Variants in TF observed in about 807,000 individuals in gnomAD.
TF encodes the protein serotransferrin.
A neutral mutation model predicts 82.4 loss-of-function variants in TF; 55 were observed. That is an observed-to-expected ratio of 0.67 (90% CI 0.54 to 0.84). TF has a LOEUF of 0.84. TF is among the 40% of genes least tolerant of loss of function. The pLI, the probability that TF is intolerant of heterozygous loss-of-function variation, is 0.00. For missense variants in TF, 737 were observed against 868.4 expected (o/e 0.85, Z 1.90); for synonymous variants, 332 against 332.6 (o/e 1.00, Z 0.02).
intron 9 of TF, among the ~76,000 whole-genome samples, chr3:133,762,541 T>C (rs141077143): frequency 6.6e-6 from 1 of 152,346 alleles, no homozygotes; most frequent in African/African-American, 2.4e-5. Flanking sequence ...GCCTAATTTA[T>C]AAACTTTATC....
rs547072103 is a variant in TF, at chr3:133,748,767, A to G, written c.216+183A>G. The G allele has an allele frequency of 1.1e-4, 82 of 770,012 alleles. No homozygotes were observed. In the African/African-American group the frequency reaches 1.4e-3, roughly 13 times the overall value. The allele number at this position is 770,012 out of a possible 1,614,324, so 47.7% of individuals were successfully genotyped here. A position where few individuals can be genotyped will look rare whatever the true frequency, so the allele number is the denominator to read the frequency against. On this transcript the variant is annotated intron_variant, in intron 2 of 16. Transcript: ENST00000402696. ...TTCTTTAATGTGTCTGGAAAGCAAA[A>G]GTCAAAAAGCACATTAACTTTTGCT...
At chr3:133,720,934 G>C in the TF span, among the ~76,000 whole-genome samples, 1 of 152,022 alleles carries the variant, frequency 6.6e-6, no homozygotes, top group East Asian at 1.9e-4. Flanking sequence ...TGTGGTATCA[G>C]TTATAATGTC....
At chr3:133,770,790 ACACACTCC>A in intron 14 of TF, 1 of 605,046 alleles carries the variant, frequency 1.7e-6, no homozygotes, top group African/African-American at 1.8e-5. Flanking sequence ...CCTCCCCAAC[ACACACTCC>A]CACAGCTGCA....
upstream of TF, among the ~76,000 whole-genome samples, chr3:133,745,754 C>T (rs575406353): frequency 6.6e-6 from 1 of 152,284 alleles, no homozygotes; most frequent in African/African-American, 2.4e-5. Context: ...TCTAAGGTGT[C>T]CCACAGGAAG....
chr3:133,777,385 G>A (rs934476300), intron 16 of TF, 147 bp downstream of exon 16: 11 of 753,056 alleles, frequency 1.5e-5, no homozygotes, highest in East Asian at 5.4e-5. Context: ...ATCTAAGCCC[G>A]GCATGTATGA....
At position 133,792,200 on chromosome 3, in the gene TF, AAAGAAAGGAGATTTTATAT is replaced by A. The variant is rs1305613007; in HGVS notation, c.*13590_*13608del. ...CCCCTAGCTATGCAAAGAAGGTTAT[AAAGAAAGGAGATTTTATAT>A]AAGAAAGGATCTTATATCGTAAATT... is the stretch of plus-strand genomic sequence containing the variant. On this transcript the variant is annotated 3_prime_UTR_variant, in exon 17 of 17. Coordinates refer to ENST00000402696, the MANE Select transcript of TF (RefSeq NM_001063.4). 6.6e-6 allele frequency: 1 copy of A among 152,218 alleles called. No homozygotes were observed. The highest frequency in any genetic ancestry group is 6.5e-5 in the Admixed American group (1 of 15,272). 9.4% of individuals were successfully genotyped at this position (152,218 alleles called of 1,614,324 possible).
the TF span, chr3:133,699,578 G>GGGTGGCAA: frequency 1.6e-6 from 1 of 634,218 alleles, no homozygotes; most frequent in South Asian, 1.4e-5. Flanking sequence ...CCTGAAGTGT[G>GGGTGGCAA]GGTGGCAAGG....
the TF span, among the ~76,000 whole-genome samples, chr3:133,715,567 T>C: frequency 6.6e-6 from 1 of 152,076 alleles, no homozygotes; most frequent in Non-Finnish European, 1.5e-5. Context: ...AAGTAAAACC[T>C]CTCCACCTCA....
chr3:133,711,559 CA>C, the TF span, among the ~76,000 whole-genome samples: 2 of 152,126 alleles, frequency 1.3e-5, no homozygotes, highest in African/African-American at 2.4e-5. Context: ...CATCTATCTC[CA>C]GGGGTGCCAA....
chr3:133,689,119 C>T, the TF span, among the ~76,000 whole-genome samples: 463 of 152,032 alleles, frequency 3.0e-3, no homozygotes, highest in African/African-American at 0.01. Context: ...TGAGGTCAGG[C>T]GCTCAAGACC....
chr3:133,769,300 C>T (rs1934202622), intron 13 of TF, among the ~76,000 whole-genome samples: 1 of 152,184 alleles, frequency 6.6e-6, no homozygotes, highest in South Asian at 2.1e-4. Context: ...TCTAATTTCA[C>T]AAAGTAGAGC....
At chr3:133,747,173 G>C (rs1020665913) in intron 1 of TF, 7 of 154,702 alleles carry the variant, frequency 4.5e-5, no homozygotes, top group African/African-American at 1.7e-4. Flanking sequence ...TTGTCACACT[G>C]TTGGGGCTTC....
chr3:133,780,305 C>A lies in TF; in HGVS notation c.*1685C>A, dbSNP rs1934490054. ...TTGTTTGGTGAGATACCCCATGGCTCCCCTGGGACGCAGTCTGTCTCATTG... is the reference window on the plus strand; with the variant it reads ...TTGTTTGGTGAGATACCCCATGGCTACCCTGGGACGCAGTCTGTCTCATTG... On this transcript the variant is annotated 3_prime_UTR_variant, in exon 17 of 17. Coordinates refer to ENST00000402696, the MANE Select transcript of TF (RefSeq NM_001063.4). The A allele has an allele frequency of 6.6e-6, 1 of 152,166 alleles. No homozygotes were observed. The highest frequency in any genetic ancestry group is 1.5e-5 in the Non-Finnish European group (1 of 68,052). 9.4% of individuals were successfully genotyped at this position (152,166 alleles called of 1,614,324 possible).
chr3:133,766,255 CT>C (rs1426431071), intron 11 of TF, 22 bp from the exon 12 acceptor site: 1 of 1,613,728 alleles, frequency 6.2e-7, no homozygotes, highest in Non-Finnish European at 8.5e-7. Flanking sequence ...TTAATACATC[CT>C]TTTCTGGTGT....
chr3:133,699,312 A>G, the TF span: 3 of 412,926 alleles, frequency 7.3e-6, no homozygotes, highest in Admixed American at 6.2e-5. Flanking sequence ...TCTGTATAAA[A>G]TGTTTTTGGA....
At position 133,784,520 on chromosome 3, in the gene TF, G is replaced by T. The variant is rs899419628; in HGVS notation, c.*5900G>T. ...TAATAATAATAATAGGACATAAATG[G>T]CTTCTGGAGATGACTTTTTGCAATG... On this transcript the variant is annotated 3_prime_UTR_variant, in exon 17 of 17. Coordinates refer to ENST00000402696, the MANE Select transcript of TF (RefSeq NM_001063.4). 6.6e-6 allele frequency: 1 copy of T among 150,860 alleles called. No homozygotes were observed. The allele number at this position is 150,860 out of a possible 1,614,324, so 9.3% of individuals were successfully genotyped here. A position where few individuals can be genotyped will look rare whatever the true frequency, so the allele number is the denominator to read the frequency against.
intron 9 of TF, 66 bp from the exon 10 acceptor site, chr3:133,764,116 C>G: frequency 2.8e-6 from 4 of 1,430,756 alleles, no homozygotes; most frequent in Non-Finnish European, 3.9e-6. Flanking sequence ...AAGGAAACAG[C>G]TGGAAAAGTG....
At chr3:133,709,141 T>C in the TF span, among the ~76,000 whole-genome samples, 1 of 152,178 alleles carries the variant, frequency 6.6e-6, no homozygotes, top group African/African-American at 2.4e-5. Context: ...TCCTCTAGGA[T>C]GGAGAAGGGA....
At chr3:133,718,719 T>C in the TF span, among the ~76,000 whole-genome samples, 89,524 of 151,392 alleles carry the variant, frequency 0.59, 26,935 homozygotes, top group East Asian at 0.76. Context: ...AACACTGATG[T>C]TGGAGGTTCC....
Sources: allele counts gnomAD v4.1 joint callset (sites outside exome capture counted in the v4.1 genomes callset), GRCh38; gene constraint gnomAD v4.1.1; transcripts MANE v1.5; gene names NCBI Gene and HGNC (gene_info 2026-07-23, HGNC 2026-07-21).